ZFHX3: variants seen among roughly 807,000 people sequenced by gnomAD.
The protein encoded by ZFHX3 is zinc finger homeobox protein 3.
ZFHX3 carries 42 observed loss-of-function variants against 279.1 expected under a neutral mutation model. That is an observed-to-expected ratio of 0.15 (90% CI 0.12 to 0.19). The LOEUF is 0.19. Among genes scored for constraint, ZFHX3 ranks in the 10% least tolerant of loss-of-function variants. The pLI is 1.00. For missense variants in ZFHX3, 4,981 were observed against 4,754.0 expected (o/e 1.05, Z -1.40); for synonymous variants, 2,293 against 1,957.8 (o/e 1.17, Z -4.52).
At chr16:73,243,756 G>T (rs1215385026) in intron 5 of ZFHX3, among the ~76,000 whole-genome samples, 2 of 152,120 alleles carry the variant, frequency 1.3e-5, no homozygotes, top group African/African-American at 4.8e-5. Context: ...GTGTGTGTGT[G>T]TGTGTGTGTG....
At chr16:72,872,141 A>C (rs1428173767) in intron 4 of ZFHX3, among the ~76,000 whole-genome samples, 1 of 152,198 alleles carries the variant, frequency 6.6e-6, no homozygotes, top group Non-Finnish European at 1.5e-5. Context: ...ATTGAAATTA[A>C]AATAAGATTC....
chr16:72,891,003 C>T (rs1156879949), intron 3 of ZFHX3, among the ~76,000 whole-genome samples: 4 of 152,210 alleles, frequency 2.6e-5, no homozygotes, highest in Non-Finnish European at 4.4e-5. Context: ...CACCCTAGGT[C>T]AGGAACATGG....
chr16:73,032,297 G>C (rs925088688), intron 1 of ZFHX3, among the ~76,000 whole-genome samples: 4 of 152,096 alleles, frequency 2.6e-5, no homozygotes, highest in African/African-American at 9.7e-5. Context: ...ACAAGACCCT[G>C]TCTCAAAAAA....
At chr16:73,767,508 GA>G (rs752167072) in intron 1 of ZFHX3, among the ~76,000 whole-genome samples, 1 of 152,110 alleles carries the variant, frequency 6.6e-6, no homozygotes, top group Non-Finnish European at 1.5e-5. Context: ...CTTGAGCTAA[GA>G]AAGAATAAAC....
chr16:73,196,905 T>C (rs1178539312), intron 5 of ZFHX3, among the ~76,000 whole-genome samples: 1 of 152,116 alleles, frequency 6.6e-6, no homozygotes, highest in East Asian at 1.9e-4. Flanking sequence ...CTCTTGATGG[T>C]AGGCGTTCTG....
At chr16:73,793,791 T>C (rs1959905724) in intron 1 of ZFHX3, among the ~76,000 whole-genome samples, 3 of 152,184 alleles carry the variant, frequency 2.0e-5, no homozygotes, top group South Asian at 2.1e-4. Context: ...GTTTCAAATG[T>C]TATTTCTCAT....
intron 1 of ZFHX3, among the ~76,000 whole-genome samples, chr16:73,719,528 A>C (rs535932640): frequency 1.3e-5 from 2 of 152,256 alleles, no homozygotes; most frequent in Non-Finnish European, 2.9e-5. Flanking sequence ...TGCTACTATT[A>C]TAAGACTCTT....
At chr16:73,227,944 ACT>A (rs1476827411) in intron 5 of ZFHX3, among the ~76,000 whole-genome samples, 2 of 151,764 alleles carry the variant, frequency 1.3e-5, no homozygotes, top group Non-Finnish European at 2.9e-5. Flanking sequence ...TTATGTATAG[ACT>A]CTATACTAAG....
Position 73,146,382 on chromosome 16 carries a change from C to T in ZFHX3, c.-1103-2551G>A, listed in dbSNP as rs987606415. On this transcript the variant is annotated intron_variant, in intron 5 of 17. Transcript: ENST00000641206. ...GGCGGAGGTTGCAGTGAGCCGAGATCGAGCCACTGCACTCCAGCCTGGTGA... is the reference window on the plus strand; with the variant it reads ...GGCGGAGGTTGCAGTGAGCCGAGATTGAGCCACTGCACTCCAGCCTGGTGA... Among the ~76,000 whole-genome samples the T allele has an allele frequency of 4.0e-5, 6 of 151,470 alleles. 1 individual carries two copies. The highest frequency in any genetic ancestry group is 6.6e-5 in the Admixed American group (1 of 15,182).
intron 3 of ZFHX3, among the ~76,000 whole-genome samples, chr16:73,429,641 C>T (rs569972938): frequency 1.3e-5 from 2 of 152,060 alleles, no homozygotes; most frequent in East Asian, 1.9e-4. Flanking sequence ...CCAAGACCTT[C>T]GGATTTTTTT....
chr16:73,049,772 A>G (rs1597135909), upstream of ZFHX3, among the ~76,000 whole-genome samples: 2 of 152,178 alleles, frequency 1.3e-5, no homozygotes, highest in South Asian at 4.2e-4. Flanking sequence ...AAACCAGACT[A>G]TGGTCACTGC....
intron 2 of ZFHX3, among the ~76,000 whole-genome samples, chr16:73,621,012 G>A (rs1408020652): frequency 1.3e-5 from 2 of 152,174 alleles, no homozygotes; most frequent in Non-Finnish European, 2.9e-5. Flanking sequence ...GAAAAATGGG[G>A]ATCGTAGCAT....
intron 4 of ZFHX3, among the ~76,000 whole-genome samples, chr16:73,299,154 A>T (rs7190874): frequency 0.02 from 2,997 of 152,338 alleles, 52 homozygotes; most frequent in South Asian, 0.064. Context: ...GAGCCCTACT[A>T]CAATAGTCCT....
chr16:72,885,650 T>C (rs1459435124), intron 4 of ZFHX3, among the ~76,000 whole-genome samples: 2 of 152,108 alleles, frequency 1.3e-5, no homozygotes, highest in South Asian at 2.1e-4. Flanking sequence ...TAGATACCTG[T>C]AGGAGGTGAC....
rs183186488 is a variant in ZFHX3, at chr16:73,743,679, G to C, written c.-1607-63439C>G. On this transcript the variant is annotated intron_variant, in intron 1 of 17. Coordinates refer to the ZFHX3 transcript ENST00000641206. ...CCTACATATATATATACAAGAAAAA[G>C]AGGTACCGTATTTGTTATCAGAATG... Among the ~76,000 whole-genome samples, 746 of 152,154 alleles carry C rather than the reference G, an allele frequency of 4.9e-3. 4 individuals are homozygous for C. Among genetic ancestry groups the C allele is most frequent in the South Asian group, 8.1e-3 (39 of 4,816 alleles).
intron 1 of ZFHX3, among the ~76,000 whole-genome samples, chr16:73,054,916 A>G (rs969104082): frequency 2.0e-5 from 3 of 150,908 alleles, no homozygotes; most frequent in African/African-American, 5.0e-5. Flanking sequence ...GATAAAGGGG[A>G]AAAAAATACA....
chr16:73,474,002 C>T (rs1002545643), intron 2 of ZFHX3, among the ~76,000 whole-genome samples: 3 of 152,062 alleles, frequency 2.0e-5, no homozygotes, highest in Non-Finnish European at 4.4e-5. Context: ...CACAAGGAAC[C>T]TGAGATAGGA....
chr16:73,096,325 C>A (rs183242176), intron 7 of ZFHX3, among the ~76,000 whole-genome samples: 1 of 151,498 alleles, frequency 6.6e-6, no homozygotes, highest in African/African-American at 2.4e-5. Flanking sequence ...ATCTCGTAGG[C>A]GCTCTTACAG....
intron 3 of ZFHX3, among the ~76,000 whole-genome samples, chr16:73,413,599 G>A (rs912617496): frequency 1.2e-4 from 18 of 152,210 alleles, no homozygotes; most frequent in Non-Finnish European, 2.4e-4. Context: ...ATCGAAGTGA[G>A]AACATTGTGG....
Sources: gnomAD v4.1 joint callset for allele counts (sites outside exome capture counted in the v4.1 genomes callset) on GRCh38, gnomAD v4.1.1 for gene constraint, MANE v1.5 for transcripts, NCBI Gene and HGNC (gene_info 2026-07-23, HGNC 2026-07-21) for gene names.